The following PCDH15 variants were observed in gnomAD, a reference collection of about 807,000 sequenced individuals.
The protein encoded by PCDH15 is protocadherin-15.
Under a neutral mutation model 178.5 loss-of-function variants are expected in PCDH15, and 129 were observed. That is an observed-to-expected ratio of 0.72 (90% confidence interval 0.63 to 0.84). The LOEUF (loss-of-function observed/expected upper bound fraction) is 0.84, where lower values mean the gene tolerates loss of function less well. Ranked by LOEUF, PCDH15 falls within the 40% of genes least tolerant of loss-of-function variation. PCDH15 has a pLI of 0.00. For missense variants in PCDH15, 2,230 were observed against 2,099.9 expected (o/e 1.06, Z -1.21); for synonymous variants, 800 against 732.0 (o/e 1.09, Z -1.50).
In PCDH15 at chr10:55,303,804, G is replaced by A. The variant is rs189503179; in HGVS notation, c.-156+15795C>T. On this transcript the variant is annotated intron_variant, in intron 1 of 5. Transcript: ENST00000458638. ...ATAAATTGTGCCTGTCTCTGTTTTTGTCAGACTGTCTAAAGGCTTATTTTA... is the reference window on the plus strand; with the variant it reads ...ATAAATTGTGCCTGTCTCTGTTTTTATCAGACTGTCTAAAGGCTTATTTTA... Among the ~76,000 whole-genome samples, 264 of 151,498 alleles carry A rather than the reference G, an allele frequency of 1.7e-3. 1 individual carries two copies. Among genetic ancestry groups the A allele is most frequent in the Non-Finnish European group, 2.2e-3 (150 of 67,862 alleles).
intron 8 of PCDH15, among the ~76,000 whole-genome samples, chr10:54,259,464 C>A (rs2132260858): frequency 6.6e-6 from 1 of 152,198 alleles, no homozygotes; most frequent in South Asian, 2.1e-4. Flanking sequence ...GATGGGATCA[C>A]CAATCCCAAA....
chr10:54,337,425 G>A (rs775576185), intron 6 of PCDH15, among the ~76,000 whole-genome samples: 1 of 152,100 alleles, frequency 6.6e-6, no homozygotes, highest in East Asian at 1.9e-4. Flanking sequence ...TGTTGAGGGA[G>A]GGACCCGGTG....
intron 3 of PCDH15, among the ~76,000 whole-genome samples, chr10:54,459,330 T>C (rs952795584): frequency 5.9e-5 from 9 of 152,030 alleles, no homozygotes; most frequent in Non-Finnish European, 8.8e-5. Context: ...CAATATTTAA[T>C]ATTATAAATA....
At chr10:53,848,905 A>G (rs7096469) in intron 28 of PCDH15, among the ~76,000 whole-genome samples, 61,028 of 151,718 alleles carry the variant, frequency 0.4, 16,419 homozygotes, top group East Asian at 0.98. Context: ...ACATAAACAT[A>G]TTTATCTTTG....
At chr10:54,147,590 T>C (rs879568531) in intron 14 of PCDH15, among the ~76,000 whole-genome samples, 1 of 151,898 alleles carries the variant, frequency 6.6e-6, no homozygotes, top group Non-Finnish European at 1.5e-5. Context: ...TGGCCACATA[T>C]AGATCAGACC....
At chr10:55,564,195 T>C (rs1842254971) in intron 2 of PCDH15, among the ~76,000 whole-genome samples, 1 of 151,800 alleles carries the variant, frequency 6.6e-6, no homozygotes. Flanking sequence ...AAAATGATTA[T>C]GTTTTTGAAT....
chr10:55,149,386 C>T (rs949691429), intron 2 of PCDH15, among the ~76,000 whole-genome samples: 1 of 151,796 alleles, frequency 6.6e-6, no homozygotes, highest in East Asian at 1.9e-4. Context: ...AAACGTATAA[C>T]CTTTTAAAAA....
Position 54,265,852 on chromosome 10 carries a change from G to T in PCDH15, c.877-28921C>A, listed in dbSNP as rs116044968. Reference sequence around the variant, plus strand: ...TGGGGACTTCTACACCCAACTGACAGTGGTAGATAGATTTATCGAGGCAGA... The same window carrying T: ...TGGGGACTTCTACACCCAACTGACATTGGTAGATAGATTTATCGAGGCAGA... On this transcript the variant is annotated intron_variant, in intron 8 of 37. Coordinates refer to ENST00000644397, the MANE Select transcript of PCDH15 (RefSeq NM_001384140.1). 1.5e-3 allele frequency among the ~76,000 whole-genome samples: 229 copies of T among 152,134 alleles called. 1 individual carries two copies. The highest frequency in any genetic ancestry group is 5.1e-3 in the African/African-American group (211 of 41,548).
chr10:55,290,621 C>T (rs1385686133), intron 1 of PCDH15, among the ~76,000 whole-genome samples: 2 of 152,046 alleles, frequency 1.3e-5, no homozygotes, highest in Non-Finnish European at 2.9e-5. Flanking sequence ...TGTATCATTG[C>T]ATTTCATCTT....
chr10:54,094,649 A>G (rs1172921624), intron 15 of PCDH15, among the ~76,000 whole-genome samples: 1 of 152,160 alleles, frequency 6.6e-6, no homozygotes, highest in East Asian at 1.9e-4. Flanking sequence ...AATGATGTGT[A>G]TTTTGGATAG....
At chr10:54,148,178 T>C (rs887108858) in intron 14 of PCDH15, among the ~76,000 whole-genome samples, 4 of 152,012 alleles carry the variant, frequency 2.6e-5, no homozygotes, top group Non-Finnish European at 5.9e-5. Context: ...TTGGCTCTTA[T>C]TGTAGATTCT....
intron 2 of PCDH15, among the ~76,000 whole-genome samples, chr10:54,925,008 A>T (rs1366430096): frequency 1.3e-5 from 2 of 152,116 alleles, no homozygotes; most frequent in African/African-American, 4.8e-5. Context: ...CTTCATCATG[A>T]ACTATTTTCC....
At chr10:55,444,054 T>C (rs930537957) in intron 2 of PCDH15, among the ~76,000 whole-genome samples, 3 of 151,226 alleles carry the variant, frequency 2.0e-5, no homozygotes, top group African/African-American at 7.3e-5. Flanking sequence ...AAACACCATA[T>C]GTCCTCACTC....
At chr10:54,250,598 C>G (rs77270572) in intron 8 of PCDH15, among the ~76,000 whole-genome samples, 6,655 of 152,048 alleles carry the variant, frequency 0.044, 372 homozygotes, top group African/African-American at 0.13. Flanking sequence ...CATTTTTTAA[C>G]ACAGGTTTTC....
chr10:55,286,278 G>A, intron 1 of PCDH15, among the ~76,000 whole-genome samples: 1 of 151,632 alleles, frequency 6.6e-6, no homozygotes, highest in East Asian at 1.9e-4. Flanking sequence ...TAAACAGCAT[G>A]CTCTGTATTT....
At chr10:54,224,714 A>G (rs535673608) in intron 9 of PCDH15, among the ~76,000 whole-genome samples, 1 of 152,244 alleles carries the variant, frequency 6.6e-6, no homozygotes, top group African/African-American at 2.4e-5. Flanking sequence ...TCAAACATAT[A>G]TTAGAAAAAT....
At chr10:54,998,394 A>AT (rs1839702902) in intron 2 of PCDH15, among the ~76,000 whole-genome samples, 1 of 152,086 alleles carries the variant, frequency 6.6e-6, no homozygotes, top group Non-Finnish European at 1.5e-5. Flanking sequence ...ATAAATAATA[A>AT]TAAAAAAAAG....
At chr10:54,085,970 T>C (rs2094508657) in intron 16 of PCDH15, among the ~76,000 whole-genome samples, 1 of 152,228 alleles carries the variant, frequency 6.6e-6, no homozygotes, top group Non-Finnish European at 1.5e-5. Context: ...TGCTTTAAGA[T>C]ATAAAATATA....
intron 17 of PCDH15, among the ~76,000 whole-genome samples, chr10:54,073,255 T>C (rs2094280741): frequency 6.6e-6 from 1 of 150,644 alleles, no homozygotes; most frequent in Admixed American, 6.6e-5. Context: ...TATAGAACTA[T>C]AGATATAAAT....
Sources: gnomAD v4.1 joint callset for allele counts (sites outside exome capture counted in the v4.1 genomes callset) on GRCh38, gnomAD v4.1.1 for gene constraint, MANE v1.5 for transcripts, NCBI Gene and HGNC (gene_info 2026-07-23, HGNC 2026-07-21) for gene names.